The following ZNF599 variants were observed in gnomAD, a reference collection of about 807,000 sequenced individuals.
The protein encoded by ZNF599 is zinc finger protein 599.
A neutral mutation model predicts 11.7 loss-of-function variants in ZNF599; 10 were observed. The ratio of observed to expected loss-of-function variants is 0.86; its 90% CI spans 0.53 to 1.45. The LOEUF is 1.45. Ranked by LOEUF, ZNF599 falls within the 40% of genes most tolerant of loss-of-function variation. The pLI is 0.00. For synonymous variants in ZNF599, 232 were observed against 253.2 expected (o/e 0.92, Z 0.79); for missense variants, 688 against 713.6 (o/e 0.96, Z 0.41).
chr19:34,799,386 TAGCC>T, the ZNF599 span, among the ~76,000 whole-genome samples: 12 of 152,244 alleles, frequency 7.9e-5, no homozygotes, highest in African/African-American at 2.9e-4. Context: ...GGTGTCTTGA[TAGCC>T]CATTTGGTTT....
At chr19:34,797,055 C>A in the ZNF599 span, among the ~76,000 whole-genome samples, 6 of 151,408 alleles carry the variant, frequency 4.0e-5, no homozygotes, top group African/African-American at 1.5e-4. Flanking sequence ...TGAGTGAGCA[C>A]ATGCAGTGTT....
the ZNF599 span, among the ~76,000 whole-genome samples, chr19:34,802,125 C>T: frequency 9.2e-5 from 14 of 152,296 alleles, no homozygotes; most frequent in African/African-American, 2.6e-4. Context: ...GTGAAGTGCA[C>T]GTGGACTTTG....
At chr19:34,770,595 C>T (rs1466807136) in intron 1 of ZNF599, among the ~76,000 whole-genome samples, 1 of 152,196 alleles carries the variant, frequency 6.6e-6, no homozygotes, top group South Asian at 2.1e-4. Context: ...GAGCGCCAAC[C>T]TGTTCTTTTT....
At chr19:34,789,888 C>T in the ZNF599 span, among the ~76,000 whole-genome samples, 4 of 152,102 alleles carry the variant, frequency 2.6e-5, no homozygotes, top group African/African-American at 9.7e-5. Context: ...GCTTTTGTTG[C>T]TTGTACTTTG....
At chr19:34,789,989 A>G in the ZNF599 span, among the ~76,000 whole-genome samples, 1 of 152,122 alleles carries the variant, frequency 6.6e-6, no homozygotes, top group Admixed American at 6.6e-5. Flanking sequence ...TTTGTGTCTT[A>G]TATTTAAGTC....
At chr19:34,794,034 C>T in the ZNF599 span, among the ~76,000 whole-genome samples, 1 of 152,162 alleles carries the variant, frequency 6.6e-6, no homozygotes, top group Admixed American at 6.5e-5. Flanking sequence ...ACAATCATGG[C>T]AGAAGGCAAG....
chr19:34,759,658 G>T lies in ZNF599; in HGVS notation c.1143C>A (p.Ser381=). 1 of 1,614,058 alleles carries T rather than the reference G, an allele frequency of 6.2e-7. No individual in the cohort carries two copies. Among genetic ancestry groups the T allele is most frequent in the Non-Finnish European group, 8.5e-7 (1 of 1,180,016 alleles). ...ECGKTFCLNS[S]FTQHMRIHTG... is the part of the protein sequence containing the mutation. ...TGTGAATCCTCATGTGCTGAGTGAA[G>T]GATGAGTTGAGGCAAAAGGTTTTTC... Residue 381 remains serine, a synonymous_variant, in exon 4 of 4, where the codon TCC becomes TCA. Coordinates refer to ENST00000329285, the MANE Select transcript of ZNF599 (RefSeq NM_001007248.3).
At chr19:34,765,528 A>G (rs2069137010) in intron 3 of ZNF599, 1 of 701,842 alleles carries the variant, frequency 1.4e-6, no homozygotes, top group East Asian at 2.7e-5. Context: ...ATATTGTTAC[A>G]TATTAATAGT....
In ZNF599 at chr19:34,759,201, G is replaced by T; in HGVS notation, c.1600C>A (p.Pro534Thr). 1 of 1,614,120 alleles carries T rather than the reference G, an allele frequency of 6.2e-7. No homozygotes were observed. The highest frequency in any genetic ancestry group is 8.5e-7 in the Non-Finnish European group (1 of 1,180,012). ...RHNRIHTGEK[P>T]FECKECEKAF... ...TTCTCACATTCTTTGCATTCAAAAG[G>T]TTTTTCTCCAGTGTGGATCCTATTA... The change falls in exon 4 of 4, where the codon CCT becomes ACT. Residue 534 changes from proline (P) to threonine (T), a missense_variant. By Grantham distance (38) the Pro-to-Thr change is conservative (BLOSUM62 -1). Coordinates refer to ENST00000329285, the MANE Select transcript of ZNF599 (RefSeq NM_001007248.3).
At chr19:34,787,927 GCATC>G in the ZNF599 span, among the ~76,000 whole-genome samples, 1 of 152,170 alleles carries the variant, frequency 6.6e-6, no homozygotes, top group South Asian at 2.1e-4. Context: ...CACAGGTTCT[GCATC>G]CATGGATTCA....
chr19:34,771,258 AT>A (rs2069182148), intron 1 of ZNF599, among the ~76,000 whole-genome samples: 1 of 152,196 alleles, frequency 6.6e-6, no homozygotes, highest in African/African-American at 2.4e-5. Context: ...TTCAAAAAAA[AT>A]AAATAAATAA....
chr19:34,771,483 T>C (rs1228603023), intron 1 of ZNF599, among the ~76,000 whole-genome samples: 2 of 152,206 alleles, frequency 1.3e-5, no homozygotes, highest in African/African-American at 4.8e-5. Context: ...CAGCTACTAT[T>C]TGTTGCTGTT....
At chr19:34,780,922 C>T in the ZNF599 span, among the ~76,000 whole-genome samples, 4 of 151,830 alleles carry the variant, frequency 2.6e-5, no homozygotes, top group African/African-American at 4.8e-5. Flanking sequence ...TTTGGGAGGC[C>T]GAGGCAGGTG....
At chr19:34,794,031 T>A in the ZNF599 span, among the ~76,000 whole-genome samples, 2 of 152,198 alleles carry the variant, frequency 1.3e-5, no homozygotes, top group African/African-American at 4.8e-5. Flanking sequence ...CTGACAATCA[T>A]GGCAGAAGGC....
chr19:34,772,715 G>A (rs995301906), intron 1 of ZNF599, 109 bp downstream of exon 1: 2 of 1,522,874 alleles, frequency 1.3e-6, no homozygotes, highest in Non-Finnish European at 1.8e-6. Flanking sequence ...CCATAACCTA[G>A]GGCATCAAAA....
At chr19:34,770,999 G>A (rs2069180308) in intron 1 of ZNF599, among the ~76,000 whole-genome samples, 1 of 152,200 alleles carries the variant, frequency 6.6e-6, no homozygotes, top group African/African-American at 2.4e-5. Context: ...TAAGCTTCTG[G>A]CTGGGCACGT....
chr19:34,779,996 C>T, the ZNF599 span: 3 of 153,746 alleles, frequency 2.0e-5, no homozygotes, highest in Non-Finnish European at 2.9e-5. Context: ...CCCATCCTCC[C>T]TGCATTCGAA....
In ZNF599 at chr19:34,767,403, C is replaced by G. The variant is rs753860988; in HGVS notation, c.154G>C (p.Val52Leu). The G allele has an allele frequency of 6.2e-7, 1 of 1,613,956 alleles. No individual in the cohort carries two copies. The highest frequency in any genetic ancestry group is 8.5e-7 in the Non-Finnish European group (1 of 1,179,844). The change falls in exon 3 of 4, where the codon GTT (valine) becomes CTT (leucine). Residue 52 changes from valine to leucine, a missense_variant. Transcript: ENST00000329285. ...CRLLVSLGHPVPKPELIYLLE... is the reference protein window; with the variant it reads ...CRLLVSLGHPLPKPELIYLLE... ...AGATAGATCAGCTCTGGTTTGGGAA[C>G]AGGATGCCCTGTGCATGGAGAAACA...
At chr19:34,771,469 AG>A (rs2069183651) in intron 1 of ZNF599, among the ~76,000 whole-genome samples, 1 of 152,194 alleles carries the variant, frequency 6.6e-6, no homozygotes, top group African/African-American at 2.4e-5. Context: ...CGCTCAGTGA[AG>A]ACCAGCTACT....
Sources: gnomAD v4.1 joint callset for allele counts (sites outside exome capture counted in the v4.1 genomes callset) on GRCh38, gnomAD v4.1.1 for gene constraint, MANE v1.5 for transcripts, NCBI Gene and HGNC (gene_info 2026-07-23, HGNC 2026-07-21) for gene names.